Variants in PPM1H observed in about 807,000 individuals in gnomAD.
PPM1H encodes the protein protein phosphatase, Mg2+/Mn2+ dependent 1H, also known as protein phosphatase 1H.
PPM1H carries 27 observed loss-of-function variants against 54.9 expected under a neutral mutation model. The ratio of observed to expected loss-of-function variants is 0.49; its 90% CI spans 0.36 to 0.68. The LOEUF is 0.68. Among genes scored for constraint, PPM1H ranks in the 30% least tolerant of loss-of-function variants. PPM1H has a pLI of 0.00. For missense variants in PPM1H, 596 were observed against 667.8 expected (o/e 0.89, Z 1.19); for synonymous variants, 305 against 270.8 (o/e 1.13, Z -1.24).
intron 1 of PPM1H, among the ~76,000 whole-genome samples, chr12:62,875,311 A>G (rs1341470786): frequency 6.6e-6 from 1 of 152,186 alleles, no homozygotes; most frequent in Non-Finnish European, 1.5e-5. Context: ...CAAAAATCCT[A>G]ATCAGAAGAA....
intron 1 of PPM1H, among the ~76,000 whole-genome samples, chr12:62,841,993 T>C (rs533075494): frequency 1.3e-5 from 2 of 152,230 alleles, no homozygotes; most frequent in South Asian, 2.1e-4. Flanking sequence ...GGCAAAACCA[T>C]TAATACCACC....
intron 4 of PPM1H, among the ~76,000 whole-genome samples, chr12:62,764,892 T>TCACA (rs2120625604): frequency 6.6e-6 from 1 of 152,288 alleles, no homozygotes; most frequent in African/African-American, 2.4e-5. Context: ...GGCCGCATGG[T>TCACA]GGCGGATGCT....
At chr12:62,690,687 T>C (rs561712493) in intron 7 of PPM1H, among the ~76,000 whole-genome samples, 1 of 152,288 alleles carries the variant, frequency 6.6e-6, no homozygotes, top group South Asian at 2.1e-4. Flanking sequence ...CAAAGAAACT[T>C]GGGGCCACGT....
Position 62,934,719 on chromosome 12 carries a change from T to C in PPM1H, c.18A>G (p.Lys6=). The change falls in exon 1 of 10, where the codon AAA becomes AAG. Residue 6 remains lysine (K), a synonymous_variant. Transcript: ENST00000228705. The surrounding 1 kb of genome is among the most constrained non-coding windows in gnomAD (Gnocchi z 4.2). MLTRV[K]SAVANFMGGI... The stretch of plus-strand genomic sequence containing the variant: ...CGCCCATGAAATTGGCCACGGCAGA[T>C]TTCACTCGAGTGAGCATATTACTCC... 3 of 1,603,502 alleles carry C rather than the reference T, an allele frequency of 1.9e-6. No homozygotes were observed. Among genetic ancestry groups the C allele is most frequent in the Non-Finnish European group, 2.6e-6 (3 of 1,174,244 alleles).
Position 62,934,894 on chromosome 12 carries a change from G to A in PPM1H, c.-158C>T. 3.3e-6 allele frequency: 2 copies of A among 607,758 alleles called. No homozygotes were observed. The highest frequency in any genetic ancestry group is 4.6e-6 in the Non-Finnish European group (2 of 433,012). The allele number at this position is 607,758 out of a possible 1,614,324, so 37.6% of individuals were successfully genotyped here. On this transcript the variant is annotated 5_prime_UTR_variant, in exon 1 of 10. Transcript: ENST00000228705. This position sits in a 1 kb window ranked among gnomAD's most constrained non-coding sequence, Gnocchi z 4.2. ...GGCTCCCAGAGCCTAGTGCTGCAGG[G>A]GGCCGAGCCCCGGCCTCTCGTGCTT...
chr12:62,875,508 A>T (rs557717373), intron 1 of PPM1H, among the ~76,000 whole-genome samples: 1 of 152,320 alleles, frequency 6.6e-6, no homozygotes, highest in South Asian at 2.1e-4. Flanking sequence ...GGATTACAGA[A>T]ATCATTCAGA....
chr12:62,793,740 CA>C (rs34457644), intron 3 of PPM1H, among the ~76,000 whole-genome samples: 5,719 of 61,214 alleles, frequency 0.093, 45 homozygotes, highest in Middle Eastern at 0.16. Flanking sequence ...AACTCCGTTT[CA>C]AAAAAAAAAA....
chr12:62,687,200 C>G (rs888399614), intron 8 of PPM1H, among the ~76,000 whole-genome samples: 2 of 152,210 alleles, frequency 1.3e-5, no homozygotes, highest in Admixed American at 1.3e-4. Context: ...ATTTCAAAAC[C>G]ACTTTCCCAT....
intron 4 of PPM1H, chr12:62,756,237 C>T: frequency 1.3e-6 from 1 of 766,760 alleles, no homozygotes; most frequent in Non-Finnish European, 2.3e-6. Context: ...GGAGTAAGAC[C>T]CCTGGACTAC....
At chr12:62,719,854 C>T (rs913151205) in intron 6 of PPM1H, among the ~76,000 whole-genome samples, 2 of 152,154 alleles carry the variant, frequency 1.3e-5, no homozygotes. Flanking sequence ...CTTTAATAAC[C>T]CTGACCTAAA....
intron 1 of PPM1H, among the ~76,000 whole-genome samples, chr12:62,872,956 A>G (rs1176177154): frequency 2.6e-5 from 4 of 152,242 alleles, no homozygotes; most frequent in Non-Finnish European, 4.4e-5. Context: ...ACATTTCACT[A>G]TAAATTTCAT....
rs201636860 is a variant in PPM1H, at chr12:62,683,032, A to ATTTTT, written c.1245+6666_1245+6667insAAAAA. ...GATACTACATTTGGGAGAGTTTATT[A>ATTTTT]TTTATTATTATTATTATTATTATTA... On this transcript the variant is annotated intron_variant, in intron 8 of 9. Coordinates refer to ENST00000228705, the MANE Select transcript of PPM1H (RefSeq NM_020700.2). Among the ~76,000 whole-genome samples the ATTTTT allele has an allele frequency of 3.6e-4, 45 of 126,346 alleles. 1 individual carries two copies. Among genetic ancestry groups the ATTTTT allele is most frequent in the Non-Finnish European group, 6.6e-4 (40 of 60,170 alleles). The allele number at this position is 126,346 out of a possible 152,430, so 82.9% of individuals were successfully genotyped here. A position where few individuals can be genotyped will look rare whatever the true frequency, so the allele number is the denominator to read the frequency against.
Position 62,846,512 on chromosome 12 carries a change from ATT to A in PPM1H, c.246-14235_246-14234del, listed in dbSNP as rs200398982. On this transcript the variant is annotated intron_variant, in intron 1 of 9. Transcript: ENST00000228705. Reference sequence around the variant, plus strand: ...GAGATTCCGCCTCAAAAAAAAAAAAATTTTTTTTTTTTTTAACTTTTTAGCTT... The same window carrying A: ...GAGATTCCGCCTCAAAAAAAAAAAAATTTTTTTTTTTTAACTTTTTAGCTT... Among the ~76,000 whole-genome samples, 356 of 145,828 alleles carry A rather than the reference ATT, an allele frequency of 2.4e-3. 1 individual carries two copies. The highest frequency in any genetic ancestry group is 8.4e-3 in the African/African-American group (334 of 39,854).
chr12:62,828,303 C>A (rs531844121), intron 2 of PPM1H, among the ~76,000 whole-genome samples: 1 of 152,294 alleles, frequency 6.6e-6, no homozygotes, highest in South Asian at 2.1e-4. Context: ...ACTTTTCTGA[C>A]AACATTTCCT....
rs34587900 is a variant in PPM1H, at chr12:62,878,626, TAAAAA to T, written c.246-46352_246-46348del. Among the ~76,000 whole-genome samples the T allele has an allele frequency of 7.4e-5, 6 of 81,578 alleles. No homozygotes were observed. In the South Asian group the frequency reaches 1.4e-3, roughly 19 times the overall value. The allele number at this position is 81,578 out of a possible 152,430, so 53.5% of individuals were successfully genotyped here. ...TTTTGTTTGAAACAATGATTACGCT[TAAAAA>T]AAAAAAAAAAAAAAAAAAAAAAAAG... On this transcript the variant is annotated intron_variant, in intron 1 of 9. Coordinates refer to ENST00000228705, the MANE Select transcript of PPM1H (RefSeq NM_020700.2).
chr12:62,908,407 C>CAAAAAAAAA (rs751766456), intron 1 of PPM1H, among the ~76,000 whole-genome samples: 2 of 96,880 alleles, frequency 2.1e-5, no homozygotes, highest in East Asian at 3.4e-4. Context: ...GACTCCGTCT[C>CAAAAAAAAA]AAAAAAAAAA....
chr12:62,837,771 A>T (rs1173287263), intron 1 of PPM1H, among the ~76,000 whole-genome samples: 2 of 152,226 alleles, frequency 1.3e-5, no homozygotes, highest in Admixed American at 6.5e-5. Flanking sequence ...CACCAAATGC[A>T]AAGCTAGCTG....
rs375683478 is a variant in PPM1H at position 62,663,860 on chromosome 12, A to G, written c.1397+3318T>C. Among the ~76,000 whole-genome samples the G allele has an allele frequency of 7.6e-3, 1,150 of 152,224 alleles. 13 individuals carry two copies. Among genetic ancestry groups the G allele is most frequent in the African/African-American group, 0.027 (1,108 of 41,540 alleles). On this transcript the variant is annotated intron_variant, in intron 9 of 9. Transcript: ENST00000228705. ...TACAAAATTAGCTGGGCGTGGTGGC[A>G]CATGCCTGTAATCCCAGCTACTAGG...
intron 4 of PPM1H, among the ~76,000 whole-genome samples, chr12:62,777,402 T>C (rs2076617399): frequency 6.6e-6 from 1 of 152,206 alleles, no homozygotes; most frequent in Non-Finnish European, 1.5e-5. Context: ...TACTTCACGG[T>C]AGCTTCCCCA....
Sources: allele counts gnomAD v4.1 joint callset (sites outside exome capture counted in the v4.1 genomes callset), GRCh38; gene constraint gnomAD v4.1.1; non-coding constraint Gnocchi (gnomAD v3.1); transcripts MANE v1.5; gene names NCBI Gene and HGNC (gene_info 2026-07-23, HGNC 2026-07-21).